Variants in SUFU observed in about 807,000 individuals in gnomAD.
SUFU encodes suppressor of fused homolog.
SUFU carries 7 observed loss-of-function variants against 58.9 expected under a neutral mutation model. That is an observed-to-expected ratio of 0.12 (90% CI 0.07 to 0.22). The LOEUF (loss-of-function observed/expected upper bound fraction) is 0.22, where lower values mean the gene tolerates loss of function less well. SUFU is among the 10% of genes least tolerant of loss of function. The pLI, the probability that SUFU is intolerant of heterozygous loss-of-function variation, is 1.00. For synonymous variants in SUFU, 232 were observed against 254.8 expected (o/e 0.91, Z 0.85); for missense variants, 451 against 641.3 (o/e 0.70, Z 3.20).
chr10:102,627,143 T>A (rs2063793143), intron 10 of SUFU, 32 bp from the exon 11 acceptor site: 1 of 1,611,408 alleles, frequency 6.2e-7, no homozygotes, highest in Non-Finnish European at 8.5e-7. Flanking sequence ...CATTTAAAAA[T>A]AATAATAAAA....
intron 2 of SUFU, among the ~76,000 whole-genome samples, chr10:102,537,256 G>A (rs943297037): frequency 2.7e-5 from 4 of 150,004 alleles, no homozygotes; most frequent in African/African-American, 7.3e-5. Flanking sequence ...TACAGACTCC[G>A]AGTAGCTGGG....
intron 8 of SUFU, among the ~76,000 whole-genome samples, chr10:102,600,206 T>C (rs1381055297): frequency 6.6e-6 from 1 of 152,152 alleles, no homozygotes; most frequent in African/African-American, 2.4e-5. Flanking sequence ...CCCTCTGCCC[T>C]TAGTCCCAGG....
At chr10:102,616,379 C>G (rs1466296689) in intron 9 of SUFU, among the ~76,000 whole-genome samples, 1 of 152,224 alleles carries the variant, frequency 6.6e-6, no homozygotes, top group African/African-American at 2.4e-5. Context: ...TGGGGACTCC[C>G]CACTGTCCCC....
intron 3 of SUFU, among the ~76,000 whole-genome samples, chr10:102,553,180 A>G (rs2062935988): frequency 6.6e-6 from 1 of 152,248 alleles, no homozygotes; most frequent in Non-Finnish European, 1.5e-5. Context: ...GGTAAAACAA[A>G]TCTACTTTAA....
intron 10 of SUFU, among the ~76,000 whole-genome samples, chr10:102,621,626 G>A (rs907961576): frequency 2.6e-5 from 4 of 152,140 alleles, no homozygotes; most frequent in African/African-American, 7.2e-5. Context: ...CTGCTTCCCC[G>A]TCCCTGCCTC....
chr10:102,607,582 C>T (rs1050556994), intron 8 of SUFU, among the ~76,000 whole-genome samples: 1 of 152,278 alleles, frequency 6.6e-6, no homozygotes, highest in East Asian at 1.9e-4. Flanking sequence ...GCTAAAAGCT[C>T]ATCTTCCCTA....
chr10:102,602,294 A>G (rs959625505), intron 8 of SUFU, among the ~76,000 whole-genome samples: 1 of 152,182 alleles, frequency 6.6e-6, no homozygotes, highest in Non-Finnish European at 1.5e-5. Context: ...ATTAAAATGG[A>G]TGTAATCTTC....
chr10:102,612,962 A>G (rs1446987708), intron 8 of SUFU, among the ~76,000 whole-genome samples: 2 of 152,052 alleles, frequency 1.3e-5, no homozygotes, highest in Admixed American at 6.5e-5. Flanking sequence ...CTCAGGAAAC[A>G]CTGCTTCCTG....
At chr10:102,594,143 GAA>G in intron 6 of SUFU, 78 bp downstream of exon 6, 1 of 1,411,020 alleles carries the variant, frequency 7.1e-7, no homozygotes, top group Non-Finnish European at 1.0e-6. Flanking sequence ...TTCATCCTGG[GAA>G]AACAGAGGAC....
chr10:102,555,152 C>T (rs1404312513), intron 3 of SUFU, among the ~76,000 whole-genome samples: 2 of 151,522 alleles, frequency 1.3e-5, no homozygotes, highest in Admixed American at 6.6e-5. Flanking sequence ...CCTGTGGTCC[C>T]AGCTACTTGG....
rs1440822140 is a variant in SUFU, at chr10:102,531,935, C to G, written c.318-18035C>G. ...AGGGAACTCTAGCCTCACTCTCCTC[C>G]CTTCTGCTGATTTCCTGTGAGAACT... On this transcript the variant is annotated intron_variant, in intron 2 of 11. Coordinates refer to ENST00000369902, the MANE Select transcript of SUFU (RefSeq NM_016169.4). Among the ~76,000 whole-genome samples the G allele has an allele frequency of 3.3e-5, 5 of 151,514 alleles. No homozygotes were observed. In the East Asian group the frequency reaches 9.7e-4, roughly 29 times the overall value.
chr10:102,514,972 C>T (rs528328581), intron 2 of SUFU, among the ~76,000 whole-genome samples: 1 of 152,314 alleles, frequency 6.6e-6, no homozygotes, highest in Non-Finnish European at 1.5e-5. Context: ...TGGAGTTGGC[C>T]CAAAAGCATG....
At chr10:102,579,650 ATTTCC>A (rs2063252272) in intron 3 of SUFU, among the ~76,000 whole-genome samples, 1 of 152,118 alleles carries the variant, frequency 6.6e-6, no homozygotes. Flanking sequence ...TAGCCTTTAC[ATTTCC>A]TTTCAGTTTT....
chr10:102,622,366 T>C (rs1327364501), intron 10 of SUFU, among the ~76,000 whole-genome samples: 1 of 151,692 alleles, frequency 6.6e-6, no homozygotes. Context: ...TCCCAGCACT[T>C]TGGGAGGCTG....
At chr10:102,554,096 AAAAAC>A in intron 3 of SUFU, among the ~76,000 whole-genome samples, 1 of 152,106 alleles carries the variant, frequency 6.6e-6, no homozygotes, top group African/African-American at 2.4e-5. Flanking sequence ...CCCTGTCTCA[AAAAAC>A]AAAAACAAAA....
At chr10:102,588,560 T>TC (rs1466230274) in intron 3 of SUFU, among the ~76,000 whole-genome samples, 2 of 152,218 alleles carry the variant, frequency 1.3e-5, no homozygotes, top group Non-Finnish European at 2.9e-5. Context: ...ATTAAGACCT[T>TC]CAACTTTGCT....
intron 3 of SUFU, among the ~76,000 whole-genome samples, chr10:102,582,938 A>C (rs2063298715): frequency 6.6e-6 from 1 of 152,154 alleles, no homozygotes; most frequent in African/African-American, 2.4e-5. Flanking sequence ...CTTTTCAATG[A>C]GGATACCTTG....
chr10:102,603,788 C>T (rs549800571), intron 8 of SUFU, among the ~76,000 whole-genome samples: 1 of 152,282 alleles, frequency 6.6e-6, no homozygotes. Context: ...GTCTGTTTGG[C>T]CTTTGATTGG....
At chr10:102,552,006 T>C (rs533214998) in intron 3 of SUFU, among the ~76,000 whole-genome samples, 1 of 152,154 alleles carries the variant, frequency 6.6e-6, no homozygotes, top group East Asian at 1.9e-4. Context: ...ATTACAGGCG[T>C]GAGCCACTGT....
Sources: gnomAD v4.1 joint callset for allele counts (sites outside exome capture counted in the v4.1 genomes callset) on GRCh38, gnomAD v4.1.1 for gene constraint, MANE v1.5 for transcripts, NCBI Gene and HGNC (gene_info 2026-07-23, HGNC 2026-07-21) for gene names.